The following ADH1A variants were observed in gnomAD, a reference collection of about 807,000 sequenced individuals.
ADH1A encodes the protein alcohol dehydrogenase 1A (class I), alpha polypeptide.
In ADH1A, 29 loss-of-function variants were observed where a neutral mutation model predicts 35.2. The observed-to-expected ratio is 0.82, with a 90% CI of 0.61 to 1.12. The LOEUF (loss-of-function observed/expected upper bound fraction) is 1.12, where lower values mean the gene tolerates loss of function less well. Ranked by LOEUF, ADH1A falls within the 50% of genes most tolerant of loss-of-function variation. The pLI is 0.00. For missense variants in ADH1A, 469 were observed against 464.7 expected, an observed-to-expected ratio of 1.01 and a Z score of -0.09; for synonymous variants, 147 against 164.8, an observed-to-expected ratio of 0.89 and a Z score of 0.83.
At chr4:99,284,019 G>A (rs149931545) in intron 5 of ADH1A, among the ~76,000 whole-genome samples, 3 of 152,204 alleles carry the variant, frequency 2.0e-5, no homozygotes, top group East Asian at 1.9e-4. Context: ...AAGGGCAAAC[G>A]CTTCATTTCA....
At chr4:99,290,594 G>T (rs557170850) in intron 1 of ADH1A, among the ~76,000 whole-genome samples, 1 of 152,012 alleles carries the variant, frequency 6.6e-6, no homozygotes, top group Non-Finnish European at 1.5e-5. Context: ...TCTAACTTTG[G>T]CTTTACAAAT....
At chr4:99,277,131 G>A (rs951859342) in intron 8 of ADH1A, among the ~76,000 whole-genome samples, 2 of 151,568 alleles carry the variant, frequency 1.3e-5, no homozygotes, top group African/African-American at 4.8e-5. Flanking sequence ...TGGTCTGGTC[G>A]CATATCTAGT....
chr4:99,289,847 A>T (rs1327156428), intron 1 of ADH1A, among the ~76,000 whole-genome samples: 2 of 152,134 alleles, frequency 1.3e-5, no homozygotes, highest in Non-Finnish European at 2.9e-5. Flanking sequence ...ATTGTTTTCT[A>T]TGTGGAATGT....
chr4:99,281,476 C>T (rs28364322), intron 6 of ADH1A, among the ~76,000 whole-genome samples: 2,942 of 152,222 alleles, frequency 0.019, 96 homozygotes, highest in African/African-American at 0.067. Context: ...CGTGGTAGCT[C>T]GTTCCTATAT....
intron 2 of ADH1A, 71 bp downstream of exon 2, chr4:99,287,493 T>C (rs1733183509): frequency 5.6e-6 from 8 of 1,424,756 alleles, no homozygotes; most frequent in Non-Finnish European, 7.7e-6. Flanking sequence ...CATATAAAAA[T>C]TTGGTTGTTT....
chr4:99,282,296 A>T (rs1038647729), intron 6 of ADH1A, 50 bp downstream of exon 6: 2 of 1,614,048 alleles, frequency 1.2e-6, no homozygotes, highest in African/African-American at 1.3e-5. Flanking sequence ...GCCTAAATGC[A>T]TCCTCCAAGT....
At chr4:99,286,454 C>T (rs1441213833) in intron 3 of ADH1A, among the ~76,000 whole-genome samples, 1 of 152,132 alleles carries the variant, frequency 6.6e-6, no homozygotes, top group African/African-American at 2.4e-5. Flanking sequence ...GAACAATGTC[C>T]ATACTTATGT....
chr4:99,285,394 T>C (rs1349332305), intron 3 of ADH1A, among the ~76,000 whole-genome samples: 2 of 152,158 alleles, frequency 1.3e-5, no homozygotes, highest in Non-Finnish European at 2.9e-5. Context: ...CCTCTGGAAA[T>C]TTCAACCCTC....
At chr4:99,287,454 C>G in intron 2 of ADH1A, 110 bp downstream of exon 2, 1 of 1,049,466 alleles carries the variant, frequency 9.5e-7, no homozygotes, top group Non-Finnish European at 1.4e-6. Flanking sequence ...CTTTCCTTGA[C>G]AACAAGTATA....
In ADH1A at chr4:99,276,572, T is replaced by C; in HGVS notation, c.*52A>G. The C allele has an allele frequency of 2.0e-6, 3 of 1,510,946 alleles. No individual in the cohort carries two copies. The South Asian group carries it at 3.4e-5, about 17-fold the overall frequency. 93.6% of individuals were successfully genotyped at this position (1,510,946 alleles called of 1,614,324 possible). A position where few individuals can be genotyped will look rare whatever the true frequency, so the allele number is the denominator to read the frequency against. Reference sequence around the variant, plus strand: ...ATTTCCCAGCTGTTGCTCCAGATCATGTAGGGTAGAGGAGGCTGAAGACTG... The same window carrying C: ...ATTTCCCAGCTGTTGCTCCAGATCACGTAGGGTAGAGGAGGCTGAAGACTG... On this transcript the variant is annotated 3_prime_UTR_variant, in exon 9 of 9. Coordinates refer to ENST00000209668, the MANE Select transcript of ADH1A (RefSeq NM_000667.4).
chr4:99,285,629 AT>A (rs1278901720), intron 3 of ADH1A, among the ~76,000 whole-genome samples: 3 of 152,128 alleles, frequency 2.0e-5, no homozygotes, highest in Non-Finnish European at 4.4e-5. Flanking sequence ...GTAGTTATTA[AT>A]TTATTACTAC....
chr4:99,284,539 C>G lies in ADH1A; in HGVS notation c.427G>C (p.Gly143Arg). ...GTGTACTGTGAGAAGGTGCTGATGC[C>G]AAGGAAGTGGTGGATGGGCTTCCTC... ...CRRKPIHHFL[G>R]ISTFSQYTVV... Residue 143 changes from glycine to arginine, a missense_variant, in exon 5 of 9, where the codon GGC (glycine) becomes CGC (arginine). Transcript: ENST00000209668. 1 of 1,614,216 alleles carries G rather than the reference C, an allele frequency of 6.2e-7. No individual in the cohort carries two copies. The highest frequency in any genetic ancestry group is 8.5e-7 in the Non-Finnish European group (1 of 1,180,042).
chr4:99,288,904 G>C (rs761660699), intron 1 of ADH1A: 7 of 151,938 alleles, frequency 4.6e-5, no homozygotes, highest in African/African-American at 7.3e-5. Context: ...TGAGATTTTG[G>C]TGCACCCTTC....
chr4:99,287,760 C>T (rs1015159469), intron 1 of ADH1A, 95 bp from the exon 2 acceptor site: 10 of 1,361,862 alleles, frequency 7.3e-6, no homozygotes, highest in Admixed American at 5.4e-5. Context: ...CATCTAATCC[C>T]ATGTCTGGTA....
intron 1 of ADH1A, among the ~76,000 whole-genome samples, chr4:99,289,685 A>C (rs1733243590): frequency 6.6e-6 from 1 of 152,206 alleles, no homozygotes; most frequent in Non-Finnish European, 1.5e-5. Context: ...AAATGCTGAC[A>C]ACAAACTAAG....
At chr4:99,281,957 A>G (rs1402275659) in intron 6 of ADH1A, 1 of 226,138 alleles carries the variant, frequency 4.4e-6, no homozygotes, top group Non-Finnish European at 8.7e-6. Flanking sequence ...TATTAAGAAC[A>G]TATGCAAAAT....
At chr4:99,284,334 T>A in intron 5 of ADH1A, 65 bp downstream of exon 5, 2 of 1,509,736 alleles carry the variant, frequency 1.3e-6, no homozygotes, top group Non-Finnish European at 1.8e-6. Context: ...TTGTGAGACA[T>A]TCCTTCCCTT....
chr4:99,282,112 A>C, intron 6 of ADH1A: 4 of 709,858 alleles, frequency 5.6e-6, no homozygotes, highest in Non-Finnish European at 6.8e-6. Flanking sequence ...GTTAAGAAAA[A>C]CAAGCCCTTT....
chr4:99,281,748 T>G lies in ADH1A; in HGVS notation c.828+598A>C, dbSNP rs1238886480. ...AATTTGGGGGGTGATAAAAATCTGT[T>G]GACTTTTCAAAGTATTCAGTCCTAC... is the stretch of plus-strand genomic sequence containing the variant. On this transcript the variant is annotated intron_variant, in intron 6 of 8. Transcript: ENST00000209668. 4 of 160,944 alleles carry G rather than the reference T, an allele frequency of 2.5e-5. No individual in the cohort carries two copies. In the East Asian group the frequency reaches 7.3e-4, roughly 29 times the overall value. 10.0% of individuals were successfully genotyped at this position (160,944 alleles called of 1,614,324 possible).
Sources: gnomAD v4.1 joint callset for allele counts (sites outside exome capture counted in the v4.1 genomes callset) on GRCh38, gnomAD v4.1.1 for gene constraint, MANE v1.5 for transcripts, NCBI Gene and HGNC (gene_info 2026-07-23, HGNC 2026-07-21) for gene names.